The following CUL3 variants were observed in gnomAD, a reference collection of about 807,000 sequenced individuals.
CUL3 encodes cullin 3, also known as cullin-3.
A neutral mutation model predicts 89.1 loss-of-function variants in CUL3; 19 were observed. The ratio of observed to expected loss-of-function variants is 0.21; its 90% CI spans 0.15 to 0.31. The LOEUF (loss-of-function observed/expected upper bound fraction) is 0.31. Among genes scored for constraint, CUL3 ranks in the 10% least tolerant of loss-of-function variants. CUL3 has a pLI of 1.00. For missense variants in CUL3, 469 were observed against 942.3 expected, an observed-to-expected ratio of 0.50 and a Z score of 6.58; for synonymous variants, 351 against 308.4, an observed-to-expected ratio of 1.14 and a Z score of -1.45.
chr2:224,521,955 G>A (rs1225547482), intron 3 of CUL3, among the ~76,000 whole-genome samples: 1 of 150,414 alleles, frequency 6.6e-6, no homozygotes, highest in Non-Finnish European at 1.5e-5. Context: ...TACTGTAAAA[G>A]AGAATACGAA....
chr2:224,568,056 T>G (rs981005120), intron 1 of CUL3, among the ~76,000 whole-genome samples: 1 of 152,136 alleles, frequency 6.6e-6, no homozygotes, highest in Non-Finnish European at 1.5e-5. Context: ...ATGTCTTTTT[T>G]CCCCCCTGCT....
In CUL3 at chr2:224,487,435, G is replaced by C. The variant is rs906031495; in HGVS notation, c.1843-5357C>G. Among the ~76,000 whole-genome samples the C allele has an allele frequency of 4.7e-3, 241 of 51,696 alleles. 2 individuals carry two copies. Among genetic ancestry groups the C allele is most frequent in the African/African-American group, 0.011 (87 of 7,818 alleles). 33.9% of individuals were successfully genotyped at this position (51,696 alleles called of 152,430 possible). On this transcript the variant is annotated intron_variant, in intron 13 of 15. Transcript: ENST00000264414. ...GGATGGAGGAATATTTACCAAGCCC[G>C]CCCCCCCCAAAAAAAAAAAAAAAAA...
At chr2:224,498,750 TGTG>T (rs1326986061) in intron 11 of CUL3, among the ~76,000 whole-genome samples, 1 of 152,186 alleles carries the variant, frequency 6.6e-6, no homozygotes, top group Non-Finnish European at 1.5e-5. Context: ...TTATGTGAAT[TGTG>T]GTGGTGGAGA....
intron 3 of CUL3, among the ~76,000 whole-genome samples, chr2:224,516,523 G>T (rs2106227719): frequency 6.6e-6 from 1 of 152,124 alleles, no homozygotes; most frequent in East Asian, 1.9e-4. Context: ...CACCATGTTG[G>T]CCAGGATGGT....
chr2:224,544,571 C>CT lies in CUL3; in HGVS notation c.265-8931dup, dbSNP rs563696220. Among the ~76,000 whole-genome samples the CT allele has an allele frequency of 2.4e-4, 36 of 151,840 alleles. 2 individuals carry two copies. Among genetic ancestry groups the CT allele is most frequent in the African/African-American group, 8.5e-4 (35 of 41,386 alleles). On this transcript the variant is annotated intron_variant, in intron 2 of 15. Transcript: ENST00000264414. ...CATTTAAATTTCCACTTAAAACATA[C>CT]TTTTTTCAGTCCTGCATTAATCACA...
intron 2 of CUL3, among the ~76,000 whole-genome samples, chr2:224,547,760 T>C (rs1694358985): frequency 6.6e-6 from 1 of 152,104 alleles, no homozygotes; most frequent in Admixed American, 6.5e-5. Context: ...ACATTAATTT[T>C]AATGTTTTCC....
At chr2:224,563,863 G>A (rs1694975373) in intron 1 of CUL3, among the ~76,000 whole-genome samples, 1 of 152,060 alleles carries the variant, frequency 6.6e-6, no homozygotes, top group Admixed American at 6.5e-5. Context: ...AACCACAAAA[G>A]TAGTGATGCT....
intron 1 of CUL3, among the ~76,000 whole-genome samples, chr2:224,582,822 C>T (rs1296018633): frequency 5.9e-5 from 9 of 152,082 alleles, no homozygotes; most frequent in Admixed American, 5.2e-4. Flanking sequence ...ACTGACAGAC[C>T]CCCAGAACAG....
intron 2 of CUL3, among the ~76,000 whole-genome samples, chr2:224,546,674 G>A (rs1045367004): frequency 2.4e-5 from 3 of 124,244 alleles, no homozygotes; most frequent in Non-Finnish European, 5.4e-5. Context: ...GGATGGGGGG[G>A]GGTACTTGCC....
At position 224,500,389 on chromosome 2, in the gene CUL3, T is replaced by C. The variant is rs150860278; in HGVS notation, c.1584A>G (p.Pro528=). The change falls in exon 11 of 16, where the codon CCA becomes CCG. Residue 528 remains proline, a synonymous_variant. Coordinates refer to ENST00000264414, the MANE Select transcript of CUL3 (RefSeq NM_003590.5). ...TTCTGAATATCTCAAAAGCATGTCT[T>C]GGTGCTGGTGGGATGTTGCACTTTG... The part of the protein sequence containing the change: ...ATPKCNIPPA[P]RHAFEIFRRF... 2.0e-5 allele frequency: 32 copies of C among 1,614,030 alleles called. No individual in the cohort carries two copies. The highest frequency in any genetic ancestry group is 2.5e-5 in the Non-Finnish European group (29 of 1,180,002).
chr2:224,584,854 G>C (rs1695541276), intron 1 of CUL3, 90 bp downstream of exon 1: 2 of 944,144 alleles, frequency 2.1e-6, no homozygotes, highest in African/African-American at 3.6e-5. Context: ...CCGGGCCTGC[G>C]GCCTGTTGGG....
intron 3 of CUL3, among the ~76,000 whole-genome samples, chr2:224,535,261 A>AC (rs1432812596): frequency 1.3e-5 from 2 of 151,836 alleles, no homozygotes; most frequent in South Asian, 2.1e-4. Flanking sequence ...ATCTTGGCTC[A>AC]CCCCCCGGTT....
chr2:224,524,219 C>G (rs1033971829), intron 3 of CUL3, among the ~76,000 whole-genome samples: 2 of 152,068 alleles, frequency 1.3e-5, no homozygotes, highest in Non-Finnish European at 1.5e-5. Flanking sequence ...TTCACTGGTT[C>G]CCTTCAGTCA....
chr2:224,583,508 A>ATACT (rs1447850582), intron 1 of CUL3, among the ~76,000 whole-genome samples: 1 of 152,230 alleles, frequency 6.6e-6, no homozygotes, highest in Non-Finnish European at 1.5e-5. Flanking sequence ...AAGGGAAAAC[A>ATACT]TACTAGTAAG....
At chr2:224,576,628 T>C (rs1269168576) in intron 1 of CUL3, among the ~76,000 whole-genome samples, 2 of 131,882 alleles carry the variant, frequency 1.5e-5, no homozygotes, top group East Asian at 2.5e-4. Flanking sequence ...TTCAAAACGA[T>C]GTCTGGCATA....
intron 3 of CUL3, among the ~76,000 whole-genome samples, chr2:224,535,012 A>G (rs1693833127): frequency 1.7e-5 from 1 of 57,970 alleles, no homozygotes; most frequent in Non-Finnish European, 3.7e-5. Context: ...AAATAAATAA[A>G]TAAATAAATA....
chr2:224,477,423 C>T (rs1034184039), intron 15 of CUL3, among the ~76,000 whole-genome samples: 5 of 152,208 alleles, frequency 3.3e-5, no homozygotes, highest in African/African-American at 1.2e-4. Context: ...TTCTTGCTCT[C>T]CATGCTAACA....
At position 224,584,876 on chromosome 2, in the gene CUL3, C is replaced by T. The variant is rs1040471342; in HGVS notation, c.66+68G>A. ...TGCGGCCTGTTGGGGGACTTCAGCC[C>T]GGGCCTCGCGTGCGGCTCTCGGCCC... On this transcript the variant is annotated intron_variant, in intron 1 of 15. Coordinates refer to ENST00000264414, the MANE Select transcript of CUL3 (RefSeq NM_003590.5). 5 of 1,267,166 alleles carry T rather than the reference C, an allele frequency of 3.9e-6. No homozygotes were observed. The African/African-American group carries it at 4.8e-5, about 12-fold the overall frequency. The allele number at this position is 1,267,166 out of a possible 1,614,324, so 78.5% of individuals were successfully genotyped here.
In CUL3 at chr2:224,562,891, G is replaced by A. The variant is rs555148987; in HGVS notation, c.67-5035C>T. On this transcript the variant is annotated intron_variant, in intron 1 of 15. Coordinates refer to ENST00000264414, the MANE Select transcript of CUL3 (RefSeq NM_003590.5). ...CAGACAGCCTTAGGTTTGTGCCACAGCTTTGTTACTCACAAGCCATGTGAC... is the reference window on the plus strand; with the variant it reads ...CAGACAGCCTTAGGTTTGTGCCACAACTTTGTTACTCACAAGCCATGTGAC... The A allele has an allele frequency of 2.7e-4, 48 of 174,938 alleles. 1 individual carries two copies. The highest frequency in any genetic ancestry group is 3.8e-4 in the Admixed American group (6 of 15,882). The allele number at this position is 174,938 out of a possible 1,614,324, so 10.8% of individuals were successfully genotyped here. A position where few individuals can be genotyped will look rare whatever the true frequency, so the allele number is the denominator to read the frequency against.
Sources: allele counts gnomAD v4.1 joint callset (sites outside exome capture counted in the v4.1 genomes callset), GRCh38; gene constraint gnomAD v4.1.1; transcripts MANE v1.5; gene names NCBI Gene and HGNC (gene_info 2026-07-23, HGNC 2026-07-21).